Variants in RALYL observed in about 807,000 individuals in gnomAD.
RALYL encodes the protein RNA-binding Raly-like protein.
RALYL carries 29 observed loss-of-function variants against 35.1 expected under a neutral mutation model. The ratio of observed to expected loss-of-function variants is 0.83; its 90% CI spans 0.61 to 1.13. The LOEUF (loss-of-function observed/expected upper bound fraction) is 1.13, where lower values mean the gene tolerates loss of function less well. RALYL is among the 50% of genes most tolerant of loss of function. RALYL has a pLI of 0.00. For missense variants in RALYL, 359 were observed against 360.4 expected, an observed-to-expected ratio of 1.00 and a Z score of 0.03; for synonymous variants, 120 against 127.6, an observed-to-expected ratio of 0.94 and a Z score of 0.40.
At chr8:84,538,870 C>A (rs942778305) in intron 2 of RALYL, among the ~76,000 whole-genome samples, 1 of 152,008 alleles carries the variant, frequency 6.6e-6, no homozygotes, top group African/African-American at 2.4e-5. Context: ...CAAGTGCTAC[C>A]GGAATTTTAA....
intron 1 of RALYL, among the ~76,000 whole-genome samples, chr8:84,485,710 A>AT: frequency 6.6e-6 from 1 of 152,056 alleles, no homozygotes; most frequent in East Asian, 1.9e-4. Context: ...TTCTTGATTT[A>AT]TTTTTTCTCT....
intron 1 of RALYL, among the ~76,000 whole-genome samples, chr8:84,489,912 C>G (rs569379342): frequency 1.3e-5 from 2 of 152,036 alleles, no homozygotes; most frequent in South Asian, 2.1e-4. Context: ...TGTCAAGAAA[C>G]AGGCCGAATT....
chr8:84,210,437 G>A (rs984052391), intron 1 of RALYL, among the ~76,000 whole-genome samples: 12 of 150,974 alleles, frequency 7.9e-5, no homozygotes, highest in Admixed American at 4.6e-4. Flanking sequence ...GTACCAGCAC[G>A]AGTTGCTTCT....
chr8:84,641,205 A>G (rs1317292921), intron 2 of RALYL, among the ~76,000 whole-genome samples: 1 of 151,252 alleles, frequency 6.6e-6, no homozygotes, highest in African/African-American at 2.4e-5. Flanking sequence ...TTACTGGTTT[A>G]TTTTTACCTT....
chr8:84,637,638 T>A (rs1825354915), intron 2 of RALYL, among the ~76,000 whole-genome samples: 1 of 151,766 alleles, frequency 6.6e-6, no homozygotes, highest in East Asian at 1.9e-4. Context: ...GTGGAAGGCA[T>A]GAGGGAAAGG....
intron 2 of RALYL, among the ~76,000 whole-genome samples, chr8:84,752,929 A>T (rs542069308): frequency 3.3e-5 from 5 of 152,166 alleles, no homozygotes; most frequent in Non-Finnish European, 7.4e-5. Context: ...ATAAGTCCCC[A>T]CTAAAGCACT....
rs139697825 is a variant in RALYL at position 84,610,168 on chromosome 8, T to C, written c.256+80591T>C. On this transcript the variant is annotated intron_variant, in intron 2 of 8. Transcript: ENST00000521268. ...AATCCAAAGTTTATTAAGATTTTTT[T>C]CTTTTAGTTTTTACCGAATGTCTTT... Among the ~76,000 whole-genome samples the C allele has an allele frequency of 1.6e-3, 243 of 152,222 alleles. 3 individuals carry two copies. Among genetic ancestry groups the C allele is most frequent in the Non-Finnish European group, 2.7e-3 (187 of 68,000 alleles).
chr8:84,775,882 G>A (rs1287399919), intron 3 of RALYL, among the ~76,000 whole-genome samples: 3 of 152,116 alleles, frequency 2.0e-5, no homozygotes, highest in African/African-American at 7.2e-5. Flanking sequence ...TTTTTGTACT[G>A]TAAGTGCTGA....
At chr8:84,185,091 T>A in intron 1 of RALYL, 8 of 1,511,830 alleles carry the variant, frequency 5.3e-6, no homozygotes, top group Non-Finnish European at 6.4e-6. Flanking sequence ...ATCTTTTTTT[T>A]CCCTGTTGTG....
intron 1 of RALYL, among the ~76,000 whole-genome samples, chr8:84,273,285 A>G (rs529507823): frequency 1.5e-3 from 223 of 152,260 alleles, no homozygotes; most frequent in Non-Finnish European, 2.8e-3. Context: ...TGCCAAGCTC[A>G]CCCATGTGTG....
At chr8:84,844,189 G>A (rs1301885222) in intron 4 of RALYL, among the ~76,000 whole-genome samples, 1 of 152,066 alleles carries the variant, frequency 6.6e-6, no homozygotes, top group Non-Finnish European at 1.5e-5. Flanking sequence ...GCAACCTACA[G>A]AATGGGAGAA....
At chr8:84,713,761 T>A (rs549707854) in intron 2 of RALYL, among the ~76,000 whole-genome samples, 1 of 151,870 alleles carries the variant, frequency 6.6e-6, no homozygotes, top group South Asian at 2.1e-4. Flanking sequence ...AAATTAATTA[T>A]CTCAAAGAGA....
intron 4 of RALYL, among the ~76,000 whole-genome samples, chr8:84,805,282 A>G (rs947194628): frequency 1.3e-5 from 2 of 152,152 alleles, no homozygotes; most frequent in African/African-American, 2.4e-5. Context: ...GTTCACTCAC[A>G]TTGACTGCTT....
At chr8:84,870,216 C>A (rs1839945817) in intron 6 of RALYL, among the ~76,000 whole-genome samples, 1 of 151,676 alleles carries the variant, frequency 6.6e-6, no homozygotes, top group African/African-American at 2.4e-5. Flanking sequence ...CTCAACAAGA[C>A]AACCAGAGAT....
chr8:84,711,014 T>TA (rs139203653), intron 2 of RALYL, among the ~76,000 whole-genome samples: 3,125 of 152,094 alleles, frequency 0.021, 116 homozygotes, highest in African/African-American at 0.072. Context: ...TATGGGGAAG[T>TA]CAGGAAAAGC....
At chr8:84,284,761 A>G (rs1469607411) in intron 1 of RALYL, among the ~76,000 whole-genome samples, 2 of 152,226 alleles carry the variant, frequency 1.3e-5, no homozygotes, top group African/African-American at 2.4e-5. Context: ...GTGATACTTC[A>G]TATACTCAGT....
chr8:84,725,420 T>C (rs1342012061), intron 2 of RALYL, among the ~76,000 whole-genome samples: 1 of 151,768 alleles, frequency 6.6e-6, no homozygotes, highest in Non-Finnish European at 1.5e-5. Context: ...GAAAAAGGAA[T>C]GTATTAAACA....
intron 1 of RALYL, among the ~76,000 whole-genome samples, chr8:84,416,528 A>G (rs1188366156): frequency 6.6e-6 from 1 of 152,242 alleles, no homozygotes; most frequent in Non-Finnish European, 1.5e-5. Context: ...AAAGAAAAAG[A>G]GGGAAACTGG....
rs574368895 is a variant in RALYL at position 84,660,433 on chromosome 8, C to A, written c.257-114146C>A. ...TTGGTTAACTTTTCCCCCTCTGTCT[C>A]ATTAGAGGTATTTATTTTGCTTTTT... is the stretch of plus-strand genomic sequence containing the variant. On this transcript the variant is annotated intron_variant, in intron 2 of 8. Coordinates refer to ENST00000521268, the MANE Select transcript of RALYL (RefSeq NM_173848.7). Among the ~76,000 whole-genome samples the A allele has an allele frequency of 2.1e-3, 312 of 152,018 alleles. 1 individual carries two copies. Among genetic ancestry groups the A allele is most frequent in the African/African-American group, 7.0e-3 (290 of 41,546 alleles).
Sources: allele counts gnomAD v4.1 joint callset (sites outside exome capture counted in the v4.1 genomes callset), GRCh38; gene constraint gnomAD v4.1.1; transcripts MANE v1.5; gene names NCBI Gene and HGNC (gene_info 2026-07-23, HGNC 2026-07-21).